HERC1: variants seen among roughly 807,000 people sequenced by gnomAD.
HERC1 encodes the protein probable E3 ubiquitin-protein ligase HERC1.
Under a neutral mutation model 554.3 loss-of-function variants are expected in HERC1, and 160 were observed. That is an observed-to-expected ratio of 0.29 (90% confidence interval 0.25 to 0.33). HERC1 has a LOEUF of 0.33. Ranked by LOEUF, HERC1 falls within the 10% of genes least tolerant of loss-of-function variation. HERC1 has a pLI of 1.00. For missense variants in HERC1, 4,919 were observed against 5,918.5 expected (o/e 0.83, Z 5.54); for synonymous variants, 2,175 against 2,131.7 (o/e 1.02, Z -0.56).
chr15:63,658,473 A>C (rs2070171603), intron 48 of HERC1, 71 bp downstream of exon 48: 5 of 1,390,926 alleles, frequency 3.6e-6, no homozygotes, highest in Non-Finnish European at 4.9e-6. Flanking sequence ...ACCCTCCCAA[A>C]CACCACCAGA....
chr15:63,764,510 G>T (rs1456791105), intron 2 of HERC1, among the ~76,000 whole-genome samples: 1 of 152,192 alleles, frequency 6.6e-6, no homozygotes, highest in Non-Finnish European at 1.5e-5. Flanking sequence ...ACACTCTTTG[G>T]GTGACCAGTA....
In HERC1 at chr15:63,790,470, T is replaced by G. The variant is rs375273758; in HGVS notation, c.-26-14821A>C. ...CGGGCGCCTTGTAGTCCCAGCTACT[T>G]GGGAAGCTGAGGCAGGAGAATGGCA... On this transcript the variant is annotated intron_variant, in intron 1 of 77. Coordinates refer to ENST00000443617, the MANE Select transcript of HERC1 (RefSeq NM_003922.4). Among the ~76,000 whole-genome samples the G allele has an allele frequency of 1.4e-4, 21 of 151,926 alleles. No homozygotes were observed. The East Asian group carries it at 3.1e-3, about 22-fold the overall frequency.
rs76321761 is a variant in HERC1 at position 63,820,979 on chromosome 15, T to G, written c.-27+12848A>C. ...AAGAGCTAAAAATTCAAGTTTTGTT[T>G]TCACATATTACTTAGCACACTCGAT... On this transcript the variant is annotated intron_variant, in intron 1 of 77. Transcript: ENST00000443617. 2.4e-3 allele frequency among the ~76,000 whole-genome samples: 363 copies of G among 152,362 alleles called. 1 individual carries two copies. The highest frequency in any genetic ancestry group is 8.1e-3 in the African/African-American group (338 of 41,586).
chr15:63,775,627 G>T lies in HERC1; in HGVS notation c.-4C>A. 1 of 1,584,748 alleles carries T rather than the reference G, an allele frequency of 6.3e-7. No homozygotes were observed. Among genetic ancestry groups the T allele is most frequent in the South Asian group, 1.2e-5 (1 of 84,848 alleles). On this transcript the variant is annotated 5_prime_UTR_variant, in exon 2 of 78. Transcript: ENST00000443617. The surrounding 1 kb of genome is among the most constrained non-coding windows in gnomAD (Gnocchi z 4.0). ...CTGGTGGAATCATAGTTGCCATGTTGATTTATCCTTCAGCCATTAGTCCTG... is the reference window on the plus strand; with the variant it reads ...CTGGTGGAATCATAGTTGCCATGTTTATTTATCCTTCAGCCATTAGTCCTG...
intron 1 of HERC1, among the ~76,000 whole-genome samples, chr15:63,810,768 G>T (rs2077280067): frequency 6.6e-6 from 1 of 152,244 alleles, no homozygotes; most frequent in South Asian, 2.1e-4. Flanking sequence ...GGGGAAAAAA[G>T]TGTACATTTG....
chr15:63,696,133 A>T lies in HERC1; in HGVS notation c.5112T>A (p.His1704Gln). ...GCAAGGTGTCACCTACCTGATAGTG[A>T]TGCAATCGGCCACTCTCTCCCTTGC... The part of the protein sequence containing the change: ...TGGKGESGRL[H>Q]HYQDGIRAAK... The change falls in exon 27 of 78, where the codon CAT becomes CAA. Residue 1704 changes from histidine to glutamine, a missense_variant. By Grantham distance (24) the His-to-Gln change is conservative. Coordinates refer to ENST00000443617, the MANE Select transcript of HERC1 (RefSeq NM_003922.4). 2 of 1,611,326 alleles carry T rather than the reference A, an allele frequency of 1.2e-6. No individual in the cohort carries two copies. The highest frequency in any genetic ancestry group is 1.7e-6 in the Non-Finnish European group (2 of 1,178,048).
At chr15:63,628,199 T>A (rs1246049528) in intron 70 of HERC1, among the ~76,000 whole-genome samples, 1 of 152,138 alleles carries the variant, frequency 6.6e-6, no homozygotes, top group African/African-American at 2.4e-5. Flanking sequence ...GAGACCAGCC[T>A]GGCCAACATG....
At chr15:63,671,966 A>G (rs2070951335) in intron 39 of HERC1, among the ~76,000 whole-genome samples, 1 of 152,234 alleles carries the variant, frequency 6.6e-6, no homozygotes. Context: ...AAGAAATTTA[A>G]GTAAGCATCA....
At chr15:63,771,038 A>C (rs1333831619) in intron 2 of HERC1, among the ~76,000 whole-genome samples, 1 of 152,012 alleles carries the variant, frequency 6.6e-6, no homozygotes, top group Non-Finnish European at 1.5e-5. Context: ...AAAATACAAA[A>C]ATTAGCCAGG....
At chr15:63,672,244 C>T (rs2070971126) in intron 39 of HERC1, among the ~76,000 whole-genome samples, 1 of 152,130 alleles carries the variant, frequency 6.6e-6, no homozygotes, top group Admixed American at 6.5e-5. Flanking sequence ...GAATGTTAGA[C>T]TACTTGCTGG....
At chr15:63,823,492 T>A (rs528919292) in intron 1 of HERC1, among the ~76,000 whole-genome samples, 1 of 152,254 alleles carries the variant, frequency 6.6e-6, no homozygotes, top group East Asian at 1.9e-4. Context: ...ACCTAACTGG[T>A]AGAAGGAAGA....
Position 63,658,609 on chromosome 15 carries a change from A to G in HERC1, c.9534T>C (p.Thr3178=), listed in dbSNP as rs766277745. 2 of 1,613,866 alleles carry G rather than the reference A, an allele frequency of 1.2e-6. No homozygotes were observed. The highest frequency in any genetic ancestry group is 4.5e-5 in the East Asian group (2 of 44,894). ...TGGCCAGAAGAACCTGAGCAGCAGC[A>G]GTCACTCTCCTTAAAGCCACCACAC... ...HDRVVALRRV[T]AAAQVLLART... is the part of the protein sequence containing the mutation. Residue 3178 remains threonine (T), a synonymous_variant, in exon 48 of 78, where the codon ACT becomes ACC. Coordinates refer to ENST00000443617, the MANE Select transcript of HERC1 (RefSeq NM_003922.4).
chr15:63,716,675 T>C lies in HERC1; in HGVS notation c.3979-202A>G, dbSNP rs527372604. On this transcript the variant is annotated intron_variant, in intron 21 of 77. Transcript: ENST00000443617. ...TACACAAAATATATAGACACATATA[T>C]GCTCTTCCTTCCTCATTATTTTGAT... 1.7e-3 allele frequency among the ~76,000 whole-genome samples: 256 copies of C among 152,322 alleles called. 4 individuals are homozygous for C. Among genetic ancestry groups the C allele is most frequent in the South Asian group, 2.9e-3 (14 of 4,820 alleles).
rs1423035955 is a variant in HERC1, at chr15:63,737,527, A to C, written c.2521-2678T>G. ...ATATCTTTTTTCCAGATATATATAT[A>C]TATATATATATATATATATATCTTT... is the stretch of plus-strand genomic sequence containing the variant. On this transcript the variant is annotated intron_variant, in intron 12 of 77. Coordinates refer to ENST00000443617, the MANE Select transcript of HERC1 (RefSeq NM_003922.4). Among the ~76,000 whole-genome samples the C allele has an allele frequency of 1.2e-4, 13 of 111,150 alleles. 1 individual carries two copies. The highest frequency in any genetic ancestry group is 4.9e-4 in the African/African-American group (13 of 26,598). The allele number at this position is 111,150 out of a possible 152,430, so 72.9% of individuals were successfully genotyped here. A position where few individuals can be genotyped will look rare whatever the true frequency, so the allele number is the denominator to read the frequency against.
chr15:63,713,130 TATAC>T, intron 23 of HERC1, among the ~76,000 whole-genome samples: 1 of 152,264 alleles, frequency 6.6e-6, no homozygotes, highest in Admixed American at 6.5e-5. Context: ...GTTGTTTATA[TATAC>T]GAAAAATTGT....
intron 64 of HERC1, chr15:63,637,121 A>G (rs1255186837): frequency 4.4e-6 from 2 of 457,170 alleles, no homozygotes; most frequent in Non-Finnish European, 8.8e-6. Flanking sequence ...TCTGATGAAG[A>G]TGTCCTTTAA....
At chr15:63,625,036 A>G (rs1291082532) in intron 71 of HERC1, among the ~76,000 whole-genome samples, 1 of 152,096 alleles carries the variant, frequency 6.6e-6, no homozygotes, top group Non-Finnish European at 1.5e-5. Context: ...TTCTTCCACT[A>G]ATTACAGTTT....
intron 1 of HERC1, among the ~76,000 whole-genome samples, chr15:63,786,757 G>A (rs2076459995): frequency 1.3e-5 from 2 of 152,092 alleles, no homozygotes; most frequent in Admixed American, 1.3e-4. Flanking sequence ...TGGAGAGGAA[G>A]GGAAAATGGA....
chr15:63,719,534 TACA>T (rs926809549), intron 19 of HERC1, among the ~76,000 whole-genome samples: 1 of 152,242 alleles, frequency 6.6e-6, no homozygotes. Context: ...TGAACAGAGA[TACA>T]ACATGATCTG....
Sources: allele counts gnomAD v4.1 joint callset (sites outside exome capture counted in the v4.1 genomes callset), GRCh38; gene constraint gnomAD v4.1.1; non-coding constraint Gnocchi (gnomAD v3.1); transcripts MANE v1.5; gene names NCBI Gene and HGNC (gene_info 2026-07-23, HGNC 2026-07-21).